ARHGAP24: variants seen among roughly 807,000 people sequenced by gnomAD.
ARHGAP24 encodes the protein rho GTPase-activating protein 24.
A neutral mutation model predicts 76.4 loss-of-function variants in ARHGAP24; 50 were observed. That is an observed-to-expected ratio of 0.65 (90% CI 0.52 to 0.83). The LOEUF (loss-of-function observed/expected upper bound fraction) is 0.83, where lower values mean the gene tolerates loss of function less well. Ranked by LOEUF, ARHGAP24 falls within the 40% of genes least tolerant of loss-of-function variation. The pLI, the probability that ARHGAP24 is intolerant of heterozygous loss-of-function variation, is 0.00. For synonymous variants in ARHGAP24, 345 were observed against 323.3 expected (o/e 1.07, Z -0.72); for missense variants, 930 against 914.2 (o/e 1.02, Z -0.22).
intron 2 of ARHGAP24, among the ~76,000 whole-genome samples, chr4:85,646,158 C>T (rs1379061067): frequency 6.6e-6 from 1 of 152,012 alleles, no homozygotes; most frequent in East Asian, 1.9e-4. Flanking sequence ...TTTCTTGAAG[C>T]TCCATATCAT....
In ARHGAP24 at chr4:85,823,312, TGCCTTACTCA is replaced by T. The variant is rs1476337678; in HGVS notation, c.269-100334_269-100325del. 2.6e-5 allele frequency among the ~76,000 whole-genome samples: 4 copies of T among 152,236 alleles called. No individual in the cohort carries two copies. In the South Asian group the frequency reaches 6.2e-4, roughly 24 times the overall value. On this transcript the variant is annotated intron_variant, in intron 3 of 9. Coordinates refer to ENST00000395184, the MANE Select transcript of ARHGAP24 (RefSeq NM_001025616.3). ...ATATTGTACCTACTATTTTCTAATATGCCTTACTCAGTAATGTATCATAAAATATCTTATG... is the reference window on the plus strand; with the variant it reads ...ATATTGTACCTACTATTTTCTAATATGTAATGTATCATAAAATATCTTATG...
At chr4:85,740,784 C>T (rs1725793578) in intron 3 of ARHGAP24, among the ~76,000 whole-genome samples, 1 of 152,152 alleles carries the variant, frequency 6.6e-6, no homozygotes, top group Non-Finnish European at 1.5e-5. Context: ...GAAACAAGCT[C>T]TTCCTTGCAA....
intron 2 of ARHGAP24, among the ~76,000 whole-genome samples, chr4:85,690,464 T>C (rs2110017223): frequency 6.6e-6 from 1 of 152,260 alleles, no homozygotes; most frequent in Middle Eastern, 3.4e-3. Flanking sequence ...TGTTGGTATA[T>C]TTTTTATTAC....
intron 2 of ARHGAP24, among the ~76,000 whole-genome samples, chr4:85,596,400 T>G (rs909840176): frequency 1.3e-5 from 2 of 152,076 alleles, no homozygotes; most frequent in African/African-American, 4.8e-5. Flanking sequence ...ACAACTCATG[T>G]GTGTGACATT....
At chr4:85,971,679 T>C (rs1738995509) in intron 5 of ARHGAP24, among the ~76,000 whole-genome samples, 1 of 152,158 alleles carries the variant, frequency 6.6e-6, no homozygotes, top group Non-Finnish European at 1.5e-5. Context: ...TTGACTGTAG[T>C]CACCCTGTTG....
At chr4:85,576,507 G>A (rs1727384286) in intron 2 of ARHGAP24, among the ~76,000 whole-genome samples, 1 of 151,922 alleles carries the variant, frequency 6.6e-6, no homozygotes, top group African/African-American at 2.4e-5. Flanking sequence ...AATCTCTAAG[G>A]CAATTGCTGT....
At chr4:85,641,514 A>T (rs535940328) in intron 2 of ARHGAP24, among the ~76,000 whole-genome samples, 1 of 152,072 alleles carries the variant, frequency 6.6e-6, no homozygotes, top group Non-Finnish European at 1.5e-5. Flanking sequence ...TGCCTTGTAC[A>T]TGGCCATCTT....
intron 2 of ARHGAP24, among the ~76,000 whole-genome samples, chr4:85,580,624 A>G (rs1339926439): frequency 6.6e-6 from 1 of 152,040 alleles, no homozygotes; most frequent in Admixed American, 6.6e-5. Context: ...TTTGTCTATT[A>G]CTCAAGGATA....
At chr4:85,591,618 A>G (rs1024022139) in intron 2 of ARHGAP24, among the ~76,000 whole-genome samples, 6 of 152,220 alleles carry the variant, frequency 3.9e-5, no homozygotes, top group African/African-American at 1.4e-4. Flanking sequence ...CAAGTCACAT[A>G]AATTCACAAG....
intron 2 of ARHGAP24, among the ~76,000 whole-genome samples, chr4:85,619,156 C>T (rs1485621358): frequency 6.6e-6 from 1 of 151,828 alleles, no homozygotes; most frequent in Admixed American, 6.6e-5. Context: ...GTGTAAGATG[C>T]GAGTATAATT....
chr4:85,859,915 C>T (rs1731792827), intron 3 of ARHGAP24, among the ~76,000 whole-genome samples: 1 of 151,898 alleles, frequency 6.6e-6, no homozygotes, highest in African/African-American at 2.4e-5. Flanking sequence ...CTAACCCAAG[C>T]TTTAGAGCTT....
At chr4:85,634,433 A>C (rs1303221658) in intron 2 of ARHGAP24, among the ~76,000 whole-genome samples, 1 of 151,870 alleles carries the variant, frequency 6.6e-6, no homozygotes, top group Non-Finnish European at 1.5e-5. Context: ...AAATATGTCC[A>C]AATCCTGGTG....
At chr4:85,935,039 A>G (rs142949114) in intron 4 of ARHGAP24, among the ~76,000 whole-genome samples, 22 of 152,354 alleles carry the variant, frequency 1.4e-4, no homozygotes, top group African/African-American at 5.0e-4. Context: ...ATCTATTCCC[A>G]GAATCCATAG....
intron 2 of ARHGAP24, among the ~76,000 whole-genome samples, chr4:85,641,362 A>G (rs1721515052): frequency 6.6e-6 from 1 of 152,200 alleles, no homozygotes; most frequent in Non-Finnish European, 1.5e-5. Flanking sequence ...CTGCCATAAC[A>G]AGGTACCACA....
chr4:85,881,247 G>C lies in ARHGAP24; in HGVS notation c.269-42401G>C, dbSNP rs183979693. 1.6e-4 allele frequency among the ~76,000 whole-genome samples: 24 copies of C among 152,250 alleles called. No individual in the cohort carries two copies. In the East Asian group the frequency reaches 4.4e-3, roughly 28 times the overall value. On this transcript the variant is annotated intron_variant, in intron 3 of 9. Transcript: ENST00000395184. ...TGGGTGGGATGGAGCAAGACAGCACGATTTCATCATGCTACTTAGAACCGT... is the reference window on the plus strand; with the variant it reads ...TGGGTGGGATGGAGCAAGACAGCACCATTTCATCATGCTACTTAGAACCGT...
chr4:85,934,506 TTTTA>T (rs1397424421), intron 4 of ARHGAP24, among the ~76,000 whole-genome samples: 4 of 152,286 alleles, frequency 2.6e-5, no homozygotes, highest in Middle Eastern at 3.4e-3. Flanking sequence ...TATGTTTTAT[TTTTA>T]TTTATTTATT....
intron 2 of ARHGAP24, among the ~76,000 whole-genome samples, chr4:85,616,193 A>T (rs1720533852): frequency 6.6e-6 from 1 of 152,224 alleles, no homozygotes; most frequent in Non-Finnish European, 1.5e-5. Flanking sequence ...AAACTATATT[A>T]ATCCAGTAGC....
rs1400932813 is a variant in ARHGAP24 at position 85,997,627 on chromosome 4, G to GTTTTCTAACT, written c.2003+1970_2003+1971insTTTTCTAACT. On this transcript the variant is annotated intron_variant, in intron 9 of 9. Transcript: ENST00000395184. ...TATATTCTTTTTCCCTCTCCAAATTGGTTTCTAACTTTTTCTTTTCTTATT... is the reference window on the plus strand; with the variant it reads ...TATATTCTTTTTCCCTCTCCAAATTGTTTTCTAACTGTTTCTAACTTTTTCTTTTCTTATT... Among the ~76,000 whole-genome samples the GTTTTCTAACT allele has an allele frequency of 1.3e-3, 84 of 62,304 alleles. 1 individual carries two copies. The highest frequency in any genetic ancestry group is 4.6e-3 in the African/African-American group (81 of 17,516). 40.9% of individuals were successfully genotyped at this position (62,304 alleles called of 152,430 possible).
intron 2 of ARHGAP24, among the ~76,000 whole-genome samples, chr4:85,577,347 TA>T (rs1294526205): frequency 2.6e-5 from 4 of 152,092 alleles, no homozygotes; most frequent in Admixed American, 1.3e-4. Context: ...AACAACTATT[TA>T]GAAACCTAGG....
Sources: gnomAD v4.1 joint callset for allele counts (sites outside exome capture counted in the v4.1 genomes callset) on GRCh38, gnomAD v4.1.1 for gene constraint, MANE v1.5 for transcripts, NCBI Gene and HGNC (gene_info 2026-07-23, HGNC 2026-07-21) for gene names.